RAP1B: variants seen among roughly 807,000 people sequenced by gnomAD.
RAP1B encodes RAP1B, member of RAS oncogene family.
In RAP1B, 1 loss-of-function variant was observed where a neutral mutation model predicts 27.5. The ratio of observed to expected loss-of-function variants is 0.04; its 90% CI spans 0.01 to 0.17. The LOEUF is 0.17. Ranked by LOEUF, RAP1B falls within the 10% of genes least tolerant of loss-of-function variation. The pLI, the probability that RAP1B is intolerant of heterozygous loss-of-function variation, is 1.00. For missense variants in RAP1B, 84 were observed against 214.8 expected, an observed-to-expected ratio of 0.39 and a Z score of 3.81; for synonymous variants, 75 against 73.1, an observed-to-expected ratio of 1.03 and a Z score of -0.13.
intron 1 of RAP1B, among the ~76,000 whole-genome samples, chr12:68,618,878 A>G (rs549537828): frequency 1.3e-5 from 2 of 152,330 alleles, no homozygotes; most frequent in South Asian, 4.1e-4. Context: ...GGCCATGGAC[A>G]GCAAGCCTCC....
chr12:68,658,648 A>T (rs915240210), intron 7 of RAP1B, among the ~76,000 whole-genome samples: 4 of 151,902 alleles, frequency 2.6e-5, no homozygotes, highest in African/African-American at 7.2e-5. Context: ...GTGTAATACC[A>T]CCTTTTTCTG....
At chr12:68,616,304 A>C (rs1871002809) in intron 1 of RAP1B, among the ~76,000 whole-genome samples, 1 of 149,348 alleles carries the variant, frequency 6.7e-6, no homozygotes, top group East Asian at 2.0e-4. Flanking sequence ...GTTTTTTTTG[A>C]GACAGAGTCT....
chr12:68,640,185 T>C (rs1322858247), intron 1 of RAP1B, among the ~76,000 whole-genome samples: 2 of 152,162 alleles, frequency 1.3e-5, no homozygotes, highest in Non-Finnish European at 2.9e-5. Context: ...CTAATGGTAG[T>C]CTTTTGTTAA....
At chr12:68,642,838 G>A (rs991652487) in intron 1 of RAP1B, 51 of 992,732 alleles carry the variant, frequency 5.1e-5, no homozygotes, top group East Asian at 1.4e-4. Context: ...AAGCCCAGTC[G>A]ATAACCGGTG....
rs1409911677 is a variant in RAP1B at position 68,667,302 on chromosome 12, C to T, written c.*8053C>T. On this transcript the variant is annotated 3_prime_UTR_variant, in exon 8 of 8. Coordinates refer to ENST00000250559, the MANE Select transcript of RAP1B (RefSeq NM_001010942.3). Reference sequence around the variant, plus strand: ...TGCACTGAATTCAATGTTTTATTTACTGCTTGGTTATTTTGTTTTTGTTTT... The same window carrying T: ...TGCACTGAATTCAATGTTTTATTTATTGCTTGGTTATTTTGTTTTTGTTTT... The T allele has an allele frequency of 6.6e-6, 1 of 151,942 alleles. No homozygotes were observed. Among genetic ancestry groups the T allele is most frequent in the Non-Finnish European group, 1.5e-5 (1 of 68,006 alleles). The allele number at this position is 151,942 out of a possible 1,614,324, so 9.4% of individuals were successfully genotyped here. A position where few individuals can be genotyped will look rare whatever the true frequency, so the allele number is the denominator to read the frequency against.
intron 1 of RAP1B, among the ~76,000 whole-genome samples, chr12:68,648,333 C>A (rs190499527): frequency 1.3e-5 from 2 of 152,136 alleles, no homozygotes; most frequent in African/African-American, 4.8e-5. Context: ...TGGCCAGATA[C>A]GTAAATATTT....
intron 1 of RAP1B, among the ~76,000 whole-genome samples, chr12:68,646,337 C>G (rs1212292158): frequency 6.6e-6 from 1 of 151,702 alleles, no homozygotes; most frequent in Non-Finnish European, 1.5e-5. Flanking sequence ...GCAGTCTCAC[C>G]GGGGCTGGAG....
At chr12:68,612,634 T>G (rs1338376342) in intron 1 of RAP1B, among the ~76,000 whole-genome samples, 4 of 152,230 alleles carry the variant, frequency 2.6e-5, no homozygotes, top group African/African-American at 7.2e-5. Flanking sequence ...TATCGCACTT[T>G]TAAAAAGTGG....
chr12:68,652,232 G>A lies in RAP1B; in HGVS notation c.183+181G>A, dbSNP rs557196352. Among the ~76,000 whole-genome samples, 6 of 152,204 alleles carry A rather than the reference G, an allele frequency of 3.9e-5. No individual in the cohort carries two copies. The South Asian group carries it at 1.2e-3, about 32-fold the overall frequency. On this transcript the variant is annotated intron_variant, in intron 4 of 7. Transcript: ENST00000250559. ...AGGTCAAGGTTGCTGGATCACTTGAGGTCAGGAGTTCGAGACCAGCCTGGC... is the reference window on the plus strand; with the variant it reads ...AGGTCAAGGTTGCTGGATCACTTGAAGTCAGGAGTTCGAGACCAGCCTGGC...
At chr12:68,658,435 A>G (rs1025230257) in intron 7 of RAP1B, among the ~76,000 whole-genome samples, 2 of 152,232 alleles carry the variant, frequency 1.3e-5, no homozygotes, top group Admixed American at 1.3e-4. Context: ...ATGAGGACCT[A>G]AAGTTCTAGG....
chr12:68,623,361 A>G (rs1032661420), intron 1 of RAP1B, among the ~76,000 whole-genome samples: 1 of 152,218 alleles, frequency 6.6e-6, no homozygotes, highest in African/African-American at 2.4e-5. Context: ...ACAGTGAATT[A>G]CAGTGAGCAG....
chr12:68,651,031 A>G (rs1452521629), intron 3 of RAP1B: 1 of 152,234 alleles, frequency 6.6e-6, no homozygotes. Context: ...ATCTTACATA[A>G]TATTTTTAAT....
intron 1 of RAP1B, among the ~76,000 whole-genome samples, chr12:68,612,617 C>T (rs1053271927): frequency 6.6e-6 from 1 of 152,216 alleles, no homozygotes; most frequent in South Asian, 2.1e-4. Context: ...AAAGAATATT[C>T]TTCCCATATC....
At position 68,654,359 on chromosome 12, in the gene RAP1B, G is replaced by T. The variant is rs879154143; in HGVS notation, c.324+107G>T. 1.1e-3 allele frequency: 504 copies of T among 441,292 alleles called. 40 individuals are homozygous for T. The highest frequency in any genetic ancestry group is 9.9e-3 in the African/African-American group (449 of 45,204). 27.3% of individuals were successfully genotyped at this position (441,292 alleles called of 1,614,324 possible). ...AGCTTGTGTATTTTGGTTGGGGGGG[G>T]GGTGTTGGTTTTTTTAAACTTTTTC... is the stretch of plus-strand genomic sequence containing the variant. On this transcript the variant is annotated intron_variant, in intron 5 of 7. Coordinates refer to ENST00000250559, the MANE Select transcript of RAP1B (RefSeq NM_001010942.3).
At chr12:68,639,662 C>T (rs1465178276) in intron 1 of RAP1B, among the ~76,000 whole-genome samples, 2 of 152,138 alleles carry the variant, frequency 1.3e-5, no homozygotes, top group African/African-American at 4.8e-5. Context: ...AGAGCTGGCA[C>T]AGGAACTCAC....
Position 68,668,548 on chromosome 12 carries a change from T to C in RAP1B, c.*9299T>C, listed in dbSNP as rs1344374450. ...CTTCATGAGTTAAACCAAAACAGAT[T>C]TAATGTCTAAACTTAAATCTAGTTT... is the stretch of plus-strand genomic sequence containing the variant. On this transcript the variant is annotated 3_prime_UTR_variant, in exon 8 of 8. Coordinates refer to ENST00000250559, the MANE Select transcript of RAP1B (RefSeq NM_001010942.3). 1 of 152,170 alleles carries C rather than the reference T, an allele frequency of 6.6e-6. No individual in the cohort carries two copies. The allele number at this position is 152,170 out of a possible 1,614,324, so 9.4% of individuals were successfully genotyped here.
intron 1 of RAP1B, among the ~76,000 whole-genome samples, chr12:68,616,699 G>A (rs1871044418): frequency 6.6e-6 from 1 of 152,028 alleles, no homozygotes; most frequent in African/African-American, 2.4e-5. Flanking sequence ...CTCCCAAAGT[G>A]CTGGGATTAC....
At chr12:68,636,728 T>G (rs1034260952) in intron 1 of RAP1B, among the ~76,000 whole-genome samples, 5 of 152,034 alleles carry the variant, frequency 3.3e-5, no homozygotes, top group Non-Finnish European at 7.4e-5. Flanking sequence ...CCCTGCTGTT[T>G]TTTTTTGAGA....
chr12:68,632,132 TTTTTTTTTTTTTTGTTTG>T (rs888171172), intron 1 of RAP1B, among the ~76,000 whole-genome samples: 2 of 132,298 alleles, frequency 1.5e-5, no homozygotes, highest in Non-Finnish European at 3.1e-5. Flanking sequence ...TGGATTTGTT[TTTTTTTTTTTTTTGTTTG>T]TTTTTTTTTT....
Sources: allele counts gnomAD v4.1 joint callset (sites outside exome capture counted in the v4.1 genomes callset), GRCh38; gene constraint gnomAD v4.1.1; transcripts MANE v1.5; gene names NCBI Gene and HGNC (gene_info 2026-07-23, HGNC 2026-07-21).